The following TAAR5 variants were observed in gnomAD, a reference collection of about 807,000 sequenced individuals.
TAAR5 encodes the protein trace amine associated receptor 5, also known as trace amine-associated receptor 5.
A neutral mutation model predicts 21.1 loss-of-function variants in TAAR5; 27 were observed. The observed-to-expected ratio is 1.28, with a 90% CI of 0.94 to 1.76. TAAR5 has a LOEUF of 1.76. Ranked by LOEUF, TAAR5 falls within the 40% of genes most tolerant of loss-of-function variation. The pLI is 0.00. For missense variants in TAAR5, 495 were observed against 405.6 expected, an observed-to-expected ratio of 1.22 and a Z score of -1.89; for synonymous variants, 203 against 167.5, an observed-to-expected ratio of 1.21 and a Z score of -1.64.
rs766614989 is a variant in TAAR5, at chr6:132,589,187, G to A, written c.500C>T (p.Ser167Leu). 23 of 1,606,504 alleles carry A rather than the reference G, an allele frequency of 1.4e-5. No individual in the cohort carries two copies. The highest frequency in any genetic ancestry group is 1.7e-4 in the Middle Eastern group (1 of 6,050). ...AGWGVPAAYT[S>L]LFLYTDVVET... The stretch of plus-strand genomic sequence containing the variant: ...TACCACATCTGTGTAGAGGAATAAC[G>A]AAGTGTATGCTGCGGGCACCCCCCA... Residue 167 changes from serine (S) to leucine (L), a missense_variant, in exon 1 of 1, where the codon TCG becomes TTG. Ser to Leu is a moderately radical substitution (Grantham distance 145). Transcript: ENST00000258034.
rs1776852088 is a variant in TAAR5 at position 132,588,799 on chromosome 6, G to C, written c.888C>G (p.Phe296Leu). The change falls in exon 1 of 1, where the codon TTC becomes TTG. Residue 296 changes from phenylalanine to leucine, a missense_variant. Physicochemically the swap from Phe to Leu is conservative, Grantham distance 22. Transcript: ENST00000258034. Reference sequence around the variant, plus strand: ...AGATGATGGGGTTGCAGGCTGAGTTGAAGTAAGCAAACCAGATAAAGATGT... The same window carrying C: ...AGATGATGGGGTTGCAGGCTGAGTTCAAGTAAGCAAACCAGATAAAGATGT... Reference protein sequence around the residue: ...VFDIFIWFAYFNSACNPIIYV... With the variant: ...VFDIFIWFAYLNSACNPIIYV... The C allele has an allele frequency of 1.2e-6, 2 of 1,614,002 alleles. No individual in the cohort carries two copies. The highest frequency in any genetic ancestry group is 1.3e-5 in the African/African-American group (1 of 74,922).
chr6:132,616,253 G>A, the TAAR5 span, among the ~76,000 whole-genome samples: 1 of 152,118 alleles, frequency 6.6e-6, no homozygotes, highest in Non-Finnish European at 1.5e-5. Flanking sequence ...AGTTATTAAT[G>A]AGTCTCAACC....
At chr6:132,607,805 C>G in the TAAR5 span, among the ~76,000 whole-genome samples, 1 of 152,162 alleles carries the variant, frequency 6.6e-6, no homozygotes, top group Non-Finnish European at 1.5e-5. Context: ...TAATAGAGGT[C>G]AACCTTAAGG....
the TAAR5 span, chr6:132,595,432 T>C: frequency 6.6e-6 from 1 of 152,282 alleles, no homozygotes; most frequent in Non-Finnish European, 1.5e-5. Context: ...GTCAGGCAAA[T>C]TCATCATCTT....
chr6:132,601,329 A>G, the TAAR5 span, among the ~76,000 whole-genome samples: 2 of 152,238 alleles, frequency 1.3e-5, no homozygotes, highest in Non-Finnish European at 2.9e-5. Context: ...ACTTTATTGG[A>G]CAAAAGCCTT....
the TAAR5 span, among the ~76,000 whole-genome samples, chr6:132,612,730 C>T: frequency 6.6e-6 from 1 of 152,112 alleles, no homozygotes; most frequent in African/African-American, 2.4e-5. Flanking sequence ...ATGTTTGCAC[C>T]TTATCTACCA....
Position 132,588,661 on chromosome 6 carries a change from T to C in TAAR5, c.*12A>G, listed in dbSNP as rs371866092. 6.3e-7 allele frequency: 1 copy of C among 1,599,530 alleles called. No individual in the cohort carries two copies. Among genetic ancestry groups the C allele is most frequent in the Non-Finnish European group, 8.5e-7 (1 of 1,171,550 alleles). ...TGAGGTCCTACTCCTTGCCTGCATT[T>C]AGTAGAAGGAATCATTCTTGGTACA... On this transcript the variant is annotated 3_prime_UTR_variant, in exon 1 of 1. Transcript: ENST00000258034.
At chr6:132,612,913 CT>C in the TAAR5 span, among the ~76,000 whole-genome samples, 3 of 152,296 alleles carry the variant, frequency 2.0e-5, no homozygotes. Context: ...CTAGTTGCCC[CT>C]ATGACCTTAT....
At chr6:132,614,160 T>A in the TAAR5 span, among the ~76,000 whole-genome samples, 1 of 152,198 alleles carries the variant, frequency 6.6e-6, no homozygotes, top group African/African-American at 2.4e-5. Flanking sequence ...TAAATAATTC[T>A]CCTTTAAATT....
chr6:132,598,495 G>A, the TAAR5 span, among the ~76,000 whole-genome samples: 14 of 152,198 alleles, frequency 9.2e-5, no homozygotes, highest in East Asian at 3.9e-4. Flanking sequence ...GTTACACTAC[G>A]GTTTCTTACC....
the TAAR5 span, among the ~76,000 whole-genome samples, chr6:132,598,329 G>A: frequency 2.6e-5 from 4 of 152,136 alleles, no homozygotes; most frequent in African/African-American, 9.7e-5. Context: ...TTATGGGTCA[G>A]TATTTTAAGA....
chr6:132,597,574 A>G, the TAAR5 span, among the ~76,000 whole-genome samples: 1 of 152,144 alleles, frequency 6.6e-6, no homozygotes, highest in African/African-American at 2.4e-5. Flanking sequence ...GCATTTTTTT[A>G]AAAACAAAAT....
the TAAR5 span, among the ~76,000 whole-genome samples, chr6:132,597,589 T>A: frequency 6.6e-6 from 1 of 152,168 alleles, no homozygotes; most frequent in African/African-American, 2.4e-5. Flanking sequence ...CAAAATAAAA[T>A]AAAGTTAAGC....
At chr6:132,603,434 T>A in the TAAR5 span, among the ~76,000 whole-genome samples, 1 of 151,476 alleles carries the variant, frequency 6.6e-6, no homozygotes, top group African/African-American at 2.4e-5. Context: ...CCATTGTAAA[T>A]CTTGGGATAT....
the TAAR5 span, among the ~76,000 whole-genome samples, chr6:132,614,638 G>A: frequency 1.3e-5 from 2 of 152,048 alleles, no homozygotes; most frequent in Non-Finnish European, 2.9e-5. Flanking sequence ...TTGCAGGTGC[G>A]ACATCAGGAA....
At chr6:132,607,661 A>G in the TAAR5 span, among the ~76,000 whole-genome samples, 1 of 152,238 alleles carries the variant, frequency 6.6e-6, no homozygotes, top group East Asian at 1.9e-4. Flanking sequence ...CAAATTGCAT[A>G]TGGTGATTCA....
At position 132,588,862 on chromosome 6, in the gene TAAR5, G is replaced by T; in HGVS notation, c.825C>A (p.Asp275Glu). ...GGGGTGTGATAAAGTGAAGGAGGCT[G>T]TCGACCATCGTGTCTATGGTGAAGG... is the stretch of plus-strand genomic sequence containing the variant. Reference protein sequence around the residue: ...WLPFTIDTMVDSLLHFITPPL... With the variant: ...WLPFTIDTMVESLLHFITPPL... The change falls in exon 1 of 1, where the codon GAC becomes GAA. Residue 275 changes from aspartate (D) to glutamate (E), a missense_variant. By Grantham distance (45) the Asp-to-Glu change is conservative (BLOSUM62 2). Transcript: ENST00000258034. The T allele has an allele frequency of 6.2e-7, 1 of 1,614,104 alleles. No homozygotes were observed. The highest frequency in any genetic ancestry group is 2.2e-5 in the East Asian group (1 of 44,878).
At chr6:132,592,601 G>A (rs1430765042), upstream of TAAR5, among the ~76,000 whole-genome samples, 2 of 152,134 alleles carry the variant, frequency 1.3e-5, no homozygotes, top group African/African-American at 4.8e-5. Context: ...TTTCCCCTTT[G>A]GTGCTGTTCT....
At chr6:132,609,147 T>G in the TAAR5 span, 1 of 396,338 alleles carries the variant, frequency 2.5e-6, no homozygotes, top group African/African-American at 2.1e-5. Flanking sequence ...CGAATAGTGA[T>G]AATCATGGCT....
Sources: allele counts gnomAD v4.1 joint callset (sites outside exome capture counted in the v4.1 genomes callset), GRCh38; gene constraint gnomAD v4.1.1; transcripts MANE v1.5; gene names NCBI Gene and HGNC (gene_info 2026-07-23, HGNC 2026-07-21).